The following RBMS3 variants were observed in gnomAD, a reference collection of about 807,000 sequenced individuals.
RBMS3 encodes the protein RNA binding motif single stranded interacting protein 3, also known as RNA-binding motif, single-stranded-interacting protein 3.
A neutral mutation model predicts 66.8 loss-of-function variants in RBMS3; 27 were observed. The observed-to-expected ratio is 0.40, with a 90% CI of 0.30 to 0.56. The LOEUF (loss-of-function observed/expected upper bound fraction) is 0.56. RBMS3 is among the 20% of genes least tolerant of loss of function. The pLI, the probability that RBMS3 is intolerant of heterozygous loss-of-function variation, is 0.40. For synonymous variants in RBMS3, 188 were observed against 183.0 expected, an observed-to-expected ratio of 1.03 and a Z score of -0.22; for missense variants, 513 against 549.5, an observed-to-expected ratio of 0.93 and a Z score of 0.66.
chr3:29,617,938 GTA>G (rs1477670543), intron 4 of RBMS3, among the ~76,000 whole-genome samples: 1 of 152,158 alleles, frequency 6.6e-6, no homozygotes, highest in East Asian at 1.9e-4. Flanking sequence ...GAGCGTGTAT[GTA>G]TGTGTGTGTG....
At chr3:29,703,008 C>T (rs550513538) in intron 4 of RBMS3, among the ~76,000 whole-genome samples, 1 of 152,168 alleles carries the variant, frequency 6.6e-6, no homozygotes, top group African/African-American at 2.4e-5. Flanking sequence ...CATGTTAGCA[C>T]TAGATGATAT....
intron 6 of RBMS3, among the ~76,000 whole-genome samples, chr3:29,845,359 T>A (rs2058752418): frequency 6.6e-6 from 1 of 152,314 alleles, no homozygotes; most frequent in Non-Finnish European, 1.5e-5. Flanking sequence ...AAGACTGTTA[T>A]AGTGACCAAA....
Position 29,570,465 on chromosome 3 carries a change from C to T in RBMS3, c.308-16649C>T, listed in dbSNP as rs9840488. Reference sequence around the variant, plus strand: ...ACCCTTCAACCATCCTCACCTCCCCCTCATCCCCTGCTACAGTTCCCAGCC... The same window carrying T: ...ACCCTTCAACCATCCTCACCTCCCCTTCATCCCCTGCTACAGTTCCCAGCC... On this transcript the variant is annotated intron_variant, in intron 3 of 14. Transcript: ENST00000383767. Among the ~76,000 whole-genome samples the T allele has an allele frequency of 3.3e-5, 5 of 152,202 alleles. No individual in the cohort carries two copies. In the South Asian group the frequency reaches 8.3e-4, roughly 25 times the overall value.
At chr3:29,965,444 A>G (rs573178985) in intron 12 of RBMS3, among the ~76,000 whole-genome samples, 1 of 152,032 alleles carries the variant, frequency 6.6e-6, no homozygotes, top group Admixed American at 6.5e-5. Context: ...GTGGTATCGC[A>G]TTGTGGTTTT....
At chr3:29,477,271 A>G (rs2042978317) in intron 2 of RBMS3, among the ~76,000 whole-genome samples, 1 of 152,206 alleles carries the variant, frequency 6.6e-6, no homozygotes, top group Admixed American at 6.5e-5. Flanking sequence ...TATCTTTATC[A>G]GCAGAGTATG....
At chr3:29,685,203 C>T (rs978550522) in intron 4 of RBMS3, among the ~76,000 whole-genome samples, 7 of 152,098 alleles carry the variant, frequency 4.6e-5, no homozygotes, top group Admixed American at 3.3e-4. Flanking sequence ...GGACTACAGG[C>T]GCCCGCCACC....
In RBMS3 at chr3:30,008,147, G is replaced by GCCTA. The variant is rs1199026206; in HGVS notation, c.*4286_*4289dup. The GCCTA allele has an allele frequency of 3.3e-5, 5 of 151,322 alleles. No individual in the cohort carries two copies. Among genetic ancestry groups the GCCTA allele is most frequent in the Admixed American group, 2.0e-4 (3 of 15,190 alleles). The allele number at this position is 151,322 out of a possible 1,614,324, so 9.4% of individuals were successfully genotyped here. Reference sequence around the variant, plus strand: ...TAAATACCTATTTTTTTTTACAGTGGCCTAAAACCCCTATTAATGAAAAGT... The same window carrying GCCTA: ...TAAATACCTATTTTTTTTTACAGTGGCCTACCTAAAACCCCTATTAATGAAAAGT... On this transcript the variant is annotated 3_prime_UTR_variant, in exon 15 of 15. Transcript: ENST00000383767.
intron 6 of RBMS3, among the ~76,000 whole-genome samples, chr3:29,785,540 T>C (rs987394824): frequency 1.3e-5 from 2 of 151,904 alleles, no homozygotes; most frequent in Admixed American, 6.6e-5. Context: ...TACTGTACTA[T>C]AAACATAGTA....
chr3:29,419,200 C>T (rs2040601375), intron 1 of RBMS3, among the ~76,000 whole-genome samples: 1 of 152,050 alleles, frequency 6.6e-6, no homozygotes, highest in Non-Finnish European at 1.5e-5. Context: ...CCAAGTTTAT[C>T]TATTTATCTT....
intron 6 of RBMS3, among the ~76,000 whole-genome samples, chr3:29,809,338 G>GAA (rs5847597): frequency 6.8e-6 from 1 of 146,344 alleles, no homozygotes. Flanking sequence ...TGATCAGTGG[G>GAA]AAAAAAAAAA....
chr3:29,701,393 G>A (rs1283155006), intron 4 of RBMS3, among the ~76,000 whole-genome samples: 1 of 152,224 alleles, frequency 6.6e-6, no homozygotes, highest in African/African-American at 2.4e-5. Context: ...TGACTGTTTG[G>A]TGGCCCATGG....
At chr3:29,978,644 A>T (rs929841463) in intron 12 of RBMS3, among the ~76,000 whole-genome samples, 1 of 151,742 alleles carries the variant, frequency 6.6e-6, no homozygotes, top group Non-Finnish European at 1.5e-5. Context: ...AGTGAAGGTT[A>T]AAAAAAATGG....
rs577317570 is a variant in RBMS3 at position 29,365,692 on chromosome 3, C to T, written c.76-69051C>T. ...CTCCTATGGATGCAATGTCCATTGCCCTGGCCGCCTTCAAATCATTCTCCT... is the reference window on the plus strand; with the variant it reads ...CTCCTATGGATGCAATGTCCATTGCTCTGGCCGCCTTCAAATCATTCTCCT... On this transcript the variant is annotated intron_variant, in intron 1 of 14. Coordinates refer to ENST00000383767, the MANE Select transcript of RBMS3 (RefSeq NM_001003793.3). Among the ~76,000 whole-genome samples the T allele has an allele frequency of 3.9e-5, 6 of 152,146 alleles. No individual in the cohort carries two copies. In the South Asian group the frequency reaches 1.0e-3, roughly 26 times the overall value.
chr3:29,893,276 C>T (rs1172501794), intron 8 of RBMS3, among the ~76,000 whole-genome samples: 2 of 151,408 alleles, frequency 1.3e-5, no homozygotes, highest in African/African-American at 2.4e-5. Context: ...GACAAAAATG[C>T]ATTAAATTTT....
chr3:29,711,544 G>T lies in RBMS3; in HGVS notation c.400-28176G>T, dbSNP rs149894052. ...CAGTCATGAAATTTAGAACTTGAAG[G>T]GACATTAGAGACCACCTAATCCGAC... On this transcript the variant is annotated intron_variant, in intron 4 of 14. Transcript: ENST00000383767. 5.8e-3 allele frequency among the ~76,000 whole-genome samples: 887 copies of T among 152,122 alleles called. 13 individuals are homozygous for T. The highest frequency in any genetic ancestry group is 0.021 in the African/African-American group (856 of 41,498).
At chr3:29,375,858 A>G (rs1308660117) in intron 1 of RBMS3, among the ~76,000 whole-genome samples, 2 of 152,206 alleles carry the variant, frequency 1.3e-5, no homozygotes, top group East Asian at 1.9e-4. Context: ...GTATATATCC[A>G]AAGGAATAGA....
intron 1 of RBMS3, among the ~76,000 whole-genome samples, chr3:29,319,619 C>T (rs2034892539): frequency 6.6e-6 from 1 of 151,946 alleles, no homozygotes. Context: ...TTCTCATCTC[C>T]ATTTTACAGA....
At chr3:29,944,156 A>G (rs1161397550) in intron 11 of RBMS3, 51 bp from the exon 12 acceptor site, 1 of 1,501,138 alleles carries the variant, frequency 6.7e-7, no homozygotes, top group African/African-American at 1.4e-5. Flanking sequence ...ATTCTATTTT[A>G]TTTTCTTTTG....
intron 2 of RBMS3, among the ~76,000 whole-genome samples, chr3:29,486,901 T>C (rs1200823858): frequency 6.6e-6 from 1 of 152,182 alleles, no homozygotes; most frequent in Non-Finnish European, 1.5e-5. Flanking sequence ...TGGTGTAAGA[T>C]AGTTATACCT....
Sources: gnomAD v4.1 joint callset for allele counts (sites outside exome capture counted in the v4.1 genomes callset) on GRCh38, gnomAD v4.1.1 for gene constraint, MANE v1.5 for transcripts, NCBI Gene and HGNC (gene_info 2026-07-23, HGNC 2026-07-21) for gene names.